The following CTNNA2 variants were observed in gnomAD, a reference collection of about 807,000 sequenced individuals.
CTNNA2 encodes catenin alpha-2.
A neutral mutation model predicts 101.0 loss-of-function variants in CTNNA2; 42 were observed. The ratio of observed to expected loss-of-function variants is 0.42; its 90% CI spans 0.32 to 0.54. The LOEUF is 0.54. CTNNA2 is among the 20% of genes least tolerant of loss of function. The pLI, the probability that CTNNA2 is intolerant of heterozygous loss-of-function variation, is 0.14. For synonymous variants in CTNNA2, 450 were observed against 456.4 expected, an observed-to-expected ratio of 0.99 and a Z score of 0.18; for missense variants, 871 against 1,223.1, an observed-to-expected ratio of 0.71 and a Z score of 4.29.
chr2:79,296,168 G>T (rs1250888515), intron 2 of CTNNA2, among the ~76,000 whole-genome samples: 1 of 152,070 alleles, frequency 6.6e-6, no homozygotes, highest in African/African-American at 2.4e-5. Flanking sequence ...AAATCTAATA[G>T]TGTATCCAGG....
chr2:79,332,794 G>A lies in CTNNA2; in HGVS notation c.-318+19998G>A, dbSNP rs770148184. Reference sequence around the variant, plus strand: ...CAACTTGATTATGTACATTTCCTTCGGAATAGTATAGATCCTGGACTGTGG... The same window carrying A: ...CAACTTGATTATGTACATTTCCTTCAGAATAGTATAGATCCTGGACTGTGG... On this transcript the variant is annotated intron_variant, in intron 3 of 21. Coordinates refer to the CTNNA2 transcript ENST00000466387. Among the ~76,000 whole-genome samples the A allele has an allele frequency of 7.9e-5, 12 of 151,990 alleles. No homozygotes were observed. The East Asian group carries it at 9.6e-4, about 12-fold the overall frequency.
intron 7 of CTNNA2, among the ~76,000 whole-genome samples, chr2:80,382,857 A>G (rs1676641130): frequency 6.6e-6 from 1 of 152,230 alleles, no homozygotes; most frequent in Non-Finnish European, 1.5e-5. Context: ...TTTGGGGAAT[A>G]TGCACTTAAA....
chr2:79,245,652 A>T (rs762279883), intron 2 of CTNNA2, among the ~76,000 whole-genome samples: 5 of 152,210 alleles, frequency 3.3e-5, no homozygotes, highest in Non-Finnish European at 7.3e-5. Context: ...TGGAAATAAA[A>T]TTGTGGCTTA....
chr2:80,192,067 G>A (rs1276925365), intron 7 of CTNNA2, among the ~76,000 whole-genome samples: 2 of 152,128 alleles, frequency 1.3e-5, no homozygotes, highest in Non-Finnish European at 2.9e-5. Flanking sequence ...TTGAAAATAT[G>A]GGATTTTTCA....
chr2:79,756,895 A>G (rs1396705679), intron 3 of CTNNA2, among the ~76,000 whole-genome samples: 1 of 152,212 alleles, frequency 6.6e-6, no homozygotes, highest in Non-Finnish European at 1.5e-5. Flanking sequence ...TAGAATCACT[A>G]AAATCTCCAA....
intron 7 of CTNNA2, among the ~76,000 whole-genome samples, chr2:80,385,969 G>A (rs1225295123): frequency 6.6e-6 from 1 of 152,164 alleles, no homozygotes; most frequent in African/African-American, 2.4e-5. Context: ...TACGAGGGCT[G>A]CTACTGAAAT....
intron 7 of CTNNA2, among the ~76,000 whole-genome samples, chr2:80,353,852 T>C (rs1449561289): frequency 6.6e-6 from 1 of 152,160 alleles, no homozygotes; most frequent in Non-Finnish European, 1.5e-5. Context: ...TCTTAGTGGC[T>C]TGAATTAATA....
At chr2:80,199,201 A>G (rs1045272751) in intron 7 of CTNNA2, among the ~76,000 whole-genome samples, 2 of 150,924 alleles carry the variant, frequency 1.3e-5, no homozygotes, top group Admixed American at 6.6e-5. Context: ...AAAAAAAAAA[A>G]AAAAAAAAAG....
intron 7 of CTNNA2, among the ~76,000 whole-genome samples, chr2:80,221,711 T>G (rs945312895): frequency 2.0e-5 from 3 of 152,212 alleles, no homozygotes; most frequent in Non-Finnish European, 4.4e-5. Context: ...TACCTTGGTT[T>G]GATTTTCCAT....
chr2:80,233,980 TTGAC>T (rs1203309869), intron 7 of CTNNA2, among the ~76,000 whole-genome samples: 1 of 152,168 alleles, frequency 6.6e-6, no homozygotes, highest in East Asian at 1.9e-4. Flanking sequence ...TATCACTACT[TTGAC>T]TAAGTAGATT....
chr2:79,709,404 T>G (rs1411404339), intron 2 of CTNNA2, among the ~76,000 whole-genome samples: 1 of 152,176 alleles, frequency 6.6e-6, no homozygotes, highest in East Asian at 1.9e-4. Context: ...TACCAGGGAC[T>G]CAGGTCAATG....
chr2:80,521,035 A>C (rs1689503260), intron 9 of CTNNA2, among the ~76,000 whole-genome samples: 1 of 152,184 alleles, frequency 6.6e-6, no homozygotes, highest in Admixed American at 6.5e-5. Flanking sequence ...GATGAGATGC[A>C]CTGGCCCTCA....
At chr2:79,870,398 T>C (rs965106096) in intron 5 of CTNNA2, among the ~76,000 whole-genome samples, 6 of 139,702 alleles carry the variant, frequency 4.3e-5, no homozygotes, top group Admixed American at 7.6e-5. Context: ...GAAGAAAACA[T>C]GAACAAAATG....
In CTNNA2 at chr2:79,535,296, C is replaced by T. The variant is rs372266643; in HGVS notation, c.-6+22089C>T. ...CTTGGCTCACTGCAACCTCTGCCTC[C>T]TGGGTTCAAGTGATTCTCCTGCCTC... On this transcript the variant is annotated intron_variant, in intron 1 of 18. Coordinates refer to ENST00000402739, the MANE Select transcript of CTNNA2 (RefSeq NM_001282597.3). Among the ~76,000 whole-genome samples, 7 of 152,204 alleles carry T rather than the reference C, an allele frequency of 4.6e-5. 1 individual carries two copies. The East Asian group carries it at 1.2e-3, about 25-fold the overall frequency.
At chr2:79,669,103 C>G (rs979707604) in intron 2 of CTNNA2, among the ~76,000 whole-genome samples, 4 of 152,140 alleles carry the variant, frequency 2.6e-5, no homozygotes, top group African/African-American at 9.7e-5. Context: ...AGCATTAGTA[C>G]ATTTTGAAAT....
At chr2:80,577,730 T>A (rs1366284552) in intron 13 of CTNNA2, among the ~76,000 whole-genome samples, 1 of 125,566 alleles carries the variant, frequency 8.0e-6, no homozygotes, top group Non-Finnish European at 1.6e-5. Context: ...GATCTCTAAT[T>A]TGATTTTCTA....
At chr2:79,835,695 T>TG in intron 3 of CTNNA2, among the ~76,000 whole-genome samples, 2 of 91,826 alleles carry the variant, frequency 2.2e-5, no homozygotes, top group African/African-American at 8.7e-5. Flanking sequence ...TTTTTTTTTT[T>TG]TTTTTTTTGA....
intron 3 of CTNNA2, among the ~76,000 whole-genome samples, chr2:79,781,691 C>T (rs1172941135): frequency 6.6e-6 from 1 of 152,086 alleles, no homozygotes; most frequent in Non-Finnish European, 1.5e-5. Context: ...TAAAATGTAG[C>T]AGCTTTCTAC....
chr2:79,764,762 T>C (rs961400231), intron 3 of CTNNA2, among the ~76,000 whole-genome samples: 2 of 152,130 alleles, frequency 1.3e-5, no homozygotes, highest in South Asian at 4.1e-4. Flanking sequence ...AAATTGCCTT[T>C]TTTTAAAAGA....
Sources: gnomAD v4.1 joint callset for allele counts (sites outside exome capture counted in the v4.1 genomes callset) on GRCh38, gnomAD v4.1.1 for gene constraint, MANE v1.5 for transcripts, NCBI Gene and HGNC (gene_info 2026-07-23, HGNC 2026-07-21) for gene names.